RPTOR: variants seen among roughly 807,000 people sequenced by gnomAD.
RPTOR encodes the protein regulatory-associated protein of mTOR.
Under a neutral mutation model 169.9 loss-of-function variants are expected in RPTOR, and 21 were observed. That is an observed-to-expected ratio of 0.12 (90% CI 0.09 to 0.18). RPTOR has a LOEUF of 0.18. RPTOR is among the 10% of genes least tolerant of loss of function. The probability of loss-of-function intolerance (pLI) is 1.00; values close to 1 mark genes in which losing one functional copy is unlikely to be tolerated. For synonymous variants in RPTOR, 732 were observed against 753.2 expected (o/e 0.97, Z 0.46); for missense variants, 1,133 against 1,855.9 (o/e 0.61, Z 7.16).
At position 80,925,524 on chromosome 17, in the gene RPTOR, T is replaced by G. The variant is rs186786709; in HGVS notation, c.2919+44T>G. 1.5e-3 allele frequency: 2,114 copies of G among 1,453,452 alleles called. 5 individuals are homozygous for G. Among genetic ancestry groups the G allele is most frequent in the Non-Finnish European group, 1.8e-3 (1,819 of 1,035,126 alleles). 90.0% of individuals were successfully genotyped at this position (1,453,452 alleles called of 1,614,324 possible). ...GTTCAGAGTAGAGTCCTAGCGAACATGTGTCTGTCCCACTTCTTTGAGCAT... is the reference window on the plus strand; with the variant it reads ...GTTCAGAGTAGAGTCCTAGCGAACAGGTGTCTGTCCCACTTCTTTGAGCAT... On this transcript the variant is annotated intron_variant, in intron 24 of 33. Transcript: ENST00000306801.
Position 80,893,912 on chromosome 17 carries a change from C to T in RPTOR, c.2401+47C>T, listed in dbSNP as rs117036523. 7,447 of 1,499,544 alleles carry T rather than the reference C, an allele frequency of 5.0e-3. 24 individuals are homozygous for T. The highest frequency in any genetic ancestry group is 5.7e-3 in the Non-Finnish European group (6,348 of 1,122,644). The allele number at this position is 1,499,544 out of a possible 1,614,324, so 92.9% of individuals were successfully genotyped here. On this transcript the variant is annotated intron_variant, in intron 20 of 33. Coordinates refer to ENST00000306801, the MANE Select transcript of RPTOR (RefSeq NM_020761.3). ...TGCTTCCGAGGGGCCCCGAGGGTCT[C>T]CTCCCCACACAGAGCAGCACAGACC... is the stretch of plus-strand genomic sequence containing the variant.
Position 80,957,499 on chromosome 17 carries a change from G to C in RPTOR, c.3371-125G>C. 1.2e-6 allele frequency: 1 copy of C among 837,100 alleles called. No individual in the cohort carries two copies. The highest frequency in any genetic ancestry group is 2.4e-5 in the East Asian group (1 of 41,154). 51.9% of individuals were successfully genotyped at this position (837,100 alleles called of 1,614,324 possible). On this transcript the variant is annotated intron_variant, in intron 28 of 33. Coordinates refer to ENST00000306801, the MANE Select transcript of RPTOR (RefSeq NM_020761.3). This position sits in a 1 kb window ranked among gnomAD's most constrained non-coding sequence, Gnocchi z 4.6. ...TCATATGAGGCATATGGACCCACCA[G>C]ATGGGCTCGATGGTGGCAGGGGTAC...
chr17:80,899,137 G>T (rs1240884491), intron 20 of RPTOR, among the ~76,000 whole-genome samples: 1 of 152,204 alleles, frequency 6.6e-6, no homozygotes, highest in African/African-American at 2.4e-5. Context: ...TTGCAGCTTT[G>T]TGCATTTGGC....
At chr17:80,883,359 A>T in intron 14 of RPTOR, 60 bp from the exon 15 acceptor site, 1 of 1,430,586 alleles carries the variant, frequency 7.0e-7, no homozygotes, top group Non-Finnish European at 9.9e-7. Flanking sequence ...ACGCTGTTGT[A>T]CTTTGGGAAT....
rs1209447303 is a variant in RPTOR at position 80,945,639 on chromosome 17, A to G, written c.3026-28A>G. The G allele has an allele frequency of 2.2e-6, 3 of 1,369,680 alleles. No individual in the cohort carries two copies. The South Asian group carries it at 3.6e-5, about 17-fold the overall frequency. 84.8% of individuals were successfully genotyped at this position (1,369,680 alleles called of 1,614,324 possible). Reference sequence around the variant, plus strand: ...AGGGGGAAAAGATGCTGGCTCCTGGATCCACTCTTGTGTGTTTCTTTTGAC... The same window carrying G: ...AGGGGGAAAAGATGCTGGCTCCTGGGTCCACTCTTGTGTGTTTCTTTTGAC... On this transcript the variant is annotated intron_variant, in intron 25 of 33. Transcript: ENST00000306801.
intron 17 of RPTOR, among the ~76,000 whole-genome samples, chr17:80,885,715 G>A (rs1270890960): frequency 1.3e-5 from 2 of 152,028 alleles, no homozygotes; most frequent in Non-Finnish European, 2.9e-5. Context: ...CTAATTTTTT[G>A]TATTTTTAGT....
At chr17:80,747,028 G>C (rs892826393) in intron 5 of RPTOR, among the ~76,000 whole-genome samples, 4 of 152,124 alleles carry the variant, frequency 2.6e-5, no homozygotes, top group African/African-American at 9.7e-5. Context: ...GACCAGCCTG[G>C]CCAACACGGT....
chr17:80,773,007 T>G (rs1000403830), intron 6 of RPTOR, among the ~76,000 whole-genome samples: 1 of 152,194 alleles, frequency 6.6e-6, no homozygotes, highest in African/African-American at 2.4e-5. Flanking sequence ...CTTAAGTGGC[T>G]TCATGCATGC....
At chr17:80,808,920 C>A (rs1008720703) in intron 7 of RPTOR, among the ~76,000 whole-genome samples, 1 of 152,192 alleles carries the variant, frequency 6.6e-6, no homozygotes, top group Admixed American at 6.5e-5. Flanking sequence ...CCTGTTGATG[C>A]GCGTTTGAAT....
At chr17:80,762,116 CAATT>C (rs2066742434) in intron 6 of RPTOR, among the ~76,000 whole-genome samples, 1 of 152,162 alleles carries the variant, frequency 6.6e-6, no homozygotes, top group African/African-American at 2.4e-5. Flanking sequence ...GACATATACT[CAATT>C]AAGATGAATA....
intron 13 of RPTOR, among the ~76,000 whole-genome samples, chr17:80,867,615 G>T (rs1006640511): frequency 1.3e-5 from 2 of 152,220 alleles, no homozygotes; most frequent in Non-Finnish European, 2.9e-5. Context: ...GATTGTCTAT[G>T]TGGAGAATCC....
chr17:80,756,189 A>AT (rs11385165), intron 6 of RPTOR, among the ~76,000 whole-genome samples: 27,005 of 152,122 alleles, frequency 0.18, 2,828 homozygotes, highest in East Asian at 0.24. Flanking sequence ...TAGGTTAGTT[A>AT]TGTGAGAGCA....
At position 80,957,561 on chromosome 17, in the gene RPTOR, C is replaced by T. The variant is rs1437204932; in HGVS notation, c.3371-63C>T. ...TGGCCAAATTGCTGCCCAGAGCAGG[C>T]CCCAAAGCCTGCCCAAGGCAAGGGC... is the stretch of plus-strand genomic sequence containing the variant. On this transcript the variant is annotated intron_variant, in intron 28 of 33. Coordinates refer to ENST00000306801, the MANE Select transcript of RPTOR (RefSeq NM_020761.3). The surrounding 1 kb of genome is among the most constrained non-coding windows in gnomAD (Gnocchi z 4.6). 1 of 1,503,866 alleles carries T rather than the reference C, an allele frequency of 6.6e-7. No individual in the cohort carries two copies. The highest frequency in any genetic ancestry group is 1.7e-5 in the Admixed American group (1 of 59,812). The allele number at this position is 1,503,866 out of a possible 1,614,324, so 93.2% of individuals were successfully genotyped here. A position where few individuals can be genotyped will look rare whatever the true frequency, so the allele number is the denominator to read the frequency against.
rs974933253 is a variant in RPTOR at position 80,845,088 on chromosome 17, G to A, written c.1213-1385G>A. 6.6e-5 allele frequency among the ~76,000 whole-genome samples: 10 copies of A among 151,962 alleles called. No homozygotes were observed. Among genetic ancestry groups the A allele is most frequent in the Admixed American group, 5.9e-4 (9 of 15,268 alleles). ...AATCAGGCCGGACTGCTCCTGCCTG[G>A]CCGCTCAGTTCCGAGACCTTCCAAC... On this transcript the variant is annotated intron_variant, in intron 10 of 33. Coordinates refer to ENST00000306801, the MANE Select transcript of RPTOR (RefSeq NM_020761.3). This position sits in a 1 kb window ranked among gnomAD's most constrained non-coding sequence, Gnocchi z 5.4.
rs2143494988 is a variant in RPTOR, at chr17:80,791,459, G to A, written c.840G>A (p.Met280Ile). 1 of 1,613,188 alleles carries A rather than the reference G, an allele frequency of 6.2e-7. No individual in the cohort carries two copies. Among genetic ancestry groups the A allele is most frequent in the Non-Finnish European group, 8.5e-7 (1 of 1,179,794 alleles). ...TTTTCTTTCTCTGCAGGTTTTGCAT[G>A]CAGAAATGTGTCAGTCTGGTGCCTG... ...PIKIALRWFC[M>I]QKCVSLVPGV... Residue 280 changes from methionine to isoleucine, a missense_variant, in exon 7 of 34, where the codon ATG (methionine) becomes ATA (isoleucine). Physicochemically the swap from Met to Ile is conservative, Grantham distance 10. Coordinates refer to ENST00000306801, the MANE Select transcript of RPTOR (RefSeq NM_020761.3).
At position 80,823,316 on chromosome 17, in the gene RPTOR, C is replaced by T; in HGVS notation, c.1136+93C>T. 6.7e-7 allele frequency: 1 copy of T among 1,500,430 alleles called. No homozygotes were observed. The allele number at this position is 1,500,430 out of a possible 1,614,324, so 92.9% of individuals were successfully genotyped here. On this transcript the variant is annotated intron_variant, in intron 9 of 33. Coordinates refer to ENST00000306801, the MANE Select transcript of RPTOR (RefSeq NM_020761.3). This position sits in a 1 kb window ranked among gnomAD's most constrained non-coding sequence, Gnocchi z 4.5. ...TTGCACGGAGCTGGGCAGGGAGGCC[C>T]CACACCTAACTTGGGGACCCCGTGT...
rs200333750 is a variant in RPTOR at position 80,908,879 on chromosome 17, C to G, written c.2470C>G (p.Pro824Ala). Residue 824 changes from proline (P) to alanine (A), a missense_variant, in exon 21 of 34, where the codon CCA (proline) becomes GCA (alanine). Physicochemically the swap from Pro to Ala is conservative, Grantham distance 27 (BLOSUM62 -1). Coordinates refer to ENST00000306801, the MANE Select transcript of RPTOR (RefSeq NM_020761.3). ...GCTGCACCTGGCTGCTGACCCCTAT[C>G]CAGAGGTCTCGGACGTGGCCATGAA... ...VLLHLAADPYPEVSDVAMKVL... is the reference protein window; with the variant it reads ...VLLHLAADPYAEVSDVAMKVL... 1.3e-5 allele frequency: 21 copies of G among 1,614,154 alleles called. No homozygotes were observed. The highest frequency in any genetic ancestry group is 1.7e-5 in the Non-Finnish European group (20 of 1,180,002).
intron 3 of RPTOR, among the ~76,000 whole-genome samples, chr17:80,656,355 A>G (rs1183855436): frequency 1.3e-5 from 2 of 152,250 alleles, no homozygotes; most frequent in Non-Finnish European, 2.9e-5. Context: ...GGTGTGAGTC[A>G]ACACGCCCGG....
chr17:80,910,554 T>C (rs2068599467), intron 21 of RPTOR, among the ~76,000 whole-genome samples: 1 of 152,162 alleles, frequency 6.6e-6, no homozygotes, highest in East Asian at 1.9e-4. Flanking sequence ...GCTATGGCGT[T>C]GCCTCGGGTA....
Sources: gnomAD v4.1 joint callset for allele counts (sites outside exome capture counted in the v4.1 genomes callset) on GRCh38, gnomAD v4.1.1 for gene constraint, Gnocchi (gnomAD v3.1) non-coding constraint, MANE v1.5 for transcripts, NCBI Gene and HGNC (gene_info 2026-07-23, HGNC 2026-07-21) for gene names.